The following PTPRN2 variants were observed in gnomAD, a reference collection of about 807,000 sequenced individuals.
PTPRN2 encodes receptor-type tyrosine-protein phosphatase N2.
In PTPRN2, 74 loss-of-function variants were observed where a neutral mutation model predicts 118.8. That is an observed-to-expected ratio of 0.62 (90% CI 0.52 to 0.76). The LOEUF (loss-of-function observed/expected upper bound fraction) is 0.76, where lower values mean the gene tolerates loss of function less well. PTPRN2 is among the 30% of genes least tolerant of loss of function. The probability of loss-of-function intolerance (pLI) is 0.00; values close to 1 mark genes in which losing one functional copy is unlikely to be tolerated. For missense variants in PTPRN2, 1,481 were observed against 1,394.4 expected (o/e 1.06, Z -0.99); for synonymous variants, 641 against 608.0 (o/e 1.05, Z -0.80).
intron 12 of PTPRN2, among the ~76,000 whole-genome samples, chr7:157,717,970 T>C (rs1300113675): frequency 2.6e-5 from 4 of 152,260 alleles, no homozygotes; most frequent in African/African-American, 9.6e-5. Flanking sequence ...TTTCTACGCG[T>C]GTGGGCAGGC....
intron 1 of PTPRN2, among the ~76,000 whole-genome samples, chr7:158,506,588 A>G (rs765874110): frequency 4.6e-5 from 7 of 151,836 alleles, no homozygotes; most frequent in Non-Finnish European, 7.4e-5. Context: ...GGAGCCCTAC[A>G]GGCCCGGGGT....
At chr7:157,878,422 C>T (rs555348316) in intron 12 of PTPRN2, among the ~76,000 whole-genome samples, 15 of 146,260 alleles carry the variant, frequency 1.0e-4, no homozygotes, top group South Asian at 6.6e-4. Context: ...AGTGTGATAC[C>T]GTGCACCCAC....
rs572836632 is a variant in PTPRN2 at position 157,797,692 on chromosome 7, T to A, written c.1788+100981A>T. Among the ~76,000 whole-genome samples, 107 of 152,346 alleles carry A rather than the reference T, an allele frequency of 7.0e-4. 1 individual carries two copies. The highest frequency in any genetic ancestry group is 2.5e-3 in the African/African-American group (103 of 41,588). ...GGGATCCTTCAACGCGAAGCTTGCA[T>A]TCCAGGAGCTCCCTGAGCCCTGAGA... is the stretch of plus-strand genomic sequence containing the variant. On this transcript the variant is annotated intron_variant, in intron 12 of 22. Transcript: ENST00000389418.
rs1444221468 is a variant in PTPRN2, at chr7:158,360,129, C to T, written c.164-43197G>A. ...ACCCCACATCCACCCTCACCCAGGA[C>T]GACGCACAGACCCCACATCCACCCT... On this transcript the variant is annotated intron_variant, in intron 2 of 22. Transcript: ENST00000389418. Among the ~76,000 whole-genome samples, 171 of 50,504 alleles carry T rather than the reference C, an allele frequency of 3.4e-3. 6 individuals are homozygous for T. The highest frequency in any genetic ancestry group is 0.012 in the African/African-American group (118 of 9,880). 33.1% of individuals were successfully genotyped at this position (50,504 alleles called of 152,430 possible).
intron 12 of PTPRN2, among the ~76,000 whole-genome samples, chr7:157,786,336 C>T (rs1482076195): frequency 1.3e-5 from 2 of 152,210 alleles, no homozygotes; most frequent in Non-Finnish European, 2.9e-5. Context: ...GAAAAACTGC[C>T]TAAGTATCTG....
At chr7:158,446,407 G>C (rs925073198) in intron 2 of PTPRN2, among the ~76,000 whole-genome samples, 6 of 151,922 alleles carry the variant, frequency 3.9e-5, no homozygotes, top group Non-Finnish European at 5.9e-5. Context: ...ACTCACGATG[G>C]AGTCTGTCGT....
chr7:158,342,701 A>T (rs1294316540), intron 2 of PTPRN2, among the ~76,000 whole-genome samples: 2 of 152,168 alleles, frequency 1.3e-5, no homozygotes, highest in African/African-American at 4.8e-5. Context: ...CCCATTCCAT[A>T]TTCAGAAACT....
At chr7:157,859,956 CT>C (rs1165846274) in intron 12 of PTPRN2, among the ~76,000 whole-genome samples, 1 of 141,760 alleles carries the variant, frequency 7.1e-6, no homozygotes, top group Non-Finnish European at 1.5e-5. Flanking sequence ...CCCCCAGCCA[CT>C]GTACACACTC....
chr7:157,615,477 T>C lies in PTPRN2; in HGVS notation c.2344+5885A>G, dbSNP rs767738999. 9.3e-5 allele frequency: 44 copies of C among 471,216 alleles called. 1 individual carries two copies. The highest frequency in any genetic ancestry group is 8.0e-4 in the African/African-American group (40 of 50,214). 29.2% of individuals were successfully genotyped at this position (471,216 alleles called of 1,614,324 possible). On this transcript the variant is annotated intron_variant, in intron 15 of 22. Transcript: ENST00000389418. This position sits in a 1 kb window ranked among gnomAD's most constrained non-coding sequence, Gnocchi z 4.3. ...CCGAGCCTCACGTGGAAACATCTGA[T>C]GAGCCTTTGCCAATATGCTCGGGAC... is the stretch of plus-strand genomic sequence containing the variant.
chr7:158,329,784 A>G (rs1386002265), intron 2 of PTPRN2, among the ~76,000 whole-genome samples: 1 of 152,124 alleles, frequency 6.6e-6, no homozygotes, highest in Non-Finnish European at 1.5e-5. Flanking sequence ...GTCGCAACCC[A>G]AGATCTGTCC....
chr7:157,607,949 G>A (rs992353243), intron 15 of PTPRN2, among the ~76,000 whole-genome samples: 4 of 152,148 alleles, frequency 2.6e-5, no homozygotes, highest in African/African-American at 9.7e-5. Context: ...CATTTCCCCC[G>A]AGGTCACCCT....
chr7:157,582,506 G>T (rs1800448239), intron 17 of PTPRN2, among the ~76,000 whole-genome samples: 1 of 152,174 alleles, frequency 6.6e-6, no homozygotes. Flanking sequence ...GATGGCAAGT[G>T]TTGGAGAGGA....
At chr7:157,938,840 T>A (rs6972928) in intron 11 of PTPRN2, among the ~76,000 whole-genome samples, 58,989 of 151,572 alleles carry the variant, frequency 0.39, 13,723 homozygotes, top group East Asian at 0.64. Context: ...AAAGGGAGGG[T>A]TTTAAATCTA....
chr7:157,683,280 A>T (rs1158712858), intron 12 of PTPRN2, among the ~76,000 whole-genome samples: 1 of 151,804 alleles, frequency 6.6e-6, no homozygotes, highest in Non-Finnish European at 1.5e-5. Context: ...CGGGCACAGC[A>T]GTTTGTCCAG....
At chr7:157,683,258 C>T (rs1796998746) in intron 12 of PTPRN2, among the ~76,000 whole-genome samples, 1 of 152,196 alleles carries the variant, frequency 6.6e-6, no homozygotes, top group African/African-American at 2.4e-5. Context: ...AGTATCCATC[C>T]CTTCTTCTAA....
intron 12 of PTPRN2, among the ~76,000 whole-genome samples, chr7:157,773,362 A>G (rs1803001529): frequency 6.6e-6 from 1 of 152,182 alleles, no homozygotes; most frequent in East Asian, 1.9e-4. Context: ...GGCGGCTCCC[A>G]ACCTCCAGGA....
At chr7:157,684,685 G>C (rs910460376) in intron 12 of PTPRN2, among the ~76,000 whole-genome samples, 4 of 151,606 alleles carry the variant, frequency 2.6e-5, no homozygotes, top group African/African-American at 4.8e-5. Flanking sequence ...AGTCCGCCGG[G>C]GTCCGCCCAC....
In PTPRN2 at chr7:158,526,530, G is replaced by C. The variant is rs1377103251; in HGVS notation, c.113-36745C>G. On this transcript the variant is annotated intron_variant, in intron 1 of 22. Coordinates refer to ENST00000389418, the MANE Select transcript of PTPRN2 (RefSeq NM_002847.5). The surrounding 1 kb of genome is among the most constrained non-coding windows in gnomAD (Gnocchi z 5.2). ...ACTGACTCGGTTGTTCTCCATTCCT[G>C]ATCCCATTTCCTGTTTGTGGGTGTG... Among the ~76,000 whole-genome samples, 2 of 152,120 alleles carry C rather than the reference G, an allele frequency of 1.3e-5. No homozygotes were observed. The highest frequency in any genetic ancestry group is 2.9e-5 in the Non-Finnish European group (2 of 68,038).
At chr7:157,592,488 G>C (rs1368076131) in intron 17 of PTPRN2, among the ~76,000 whole-genome samples, 1 of 151,800 alleles carries the variant, frequency 6.6e-6, no homozygotes, top group Non-Finnish European at 1.5e-5. Context: ...TGTGGCACCT[G>C]CTGAACGGAG....
Sources: gnomAD v4.1 joint callset for allele counts (sites outside exome capture counted in the v4.1 genomes callset) on GRCh38, gnomAD v4.1.1 for gene constraint, Gnocchi (gnomAD v3.1) non-coding constraint, MANE v1.5 for transcripts, NCBI Gene and HGNC (gene_info 2026-07-23, HGNC 2026-07-21) for gene names.